MYO16: variants seen among roughly 807,000 people sequenced by gnomAD.
MYO16 encodes myosin XVI, also known as unconventional myosin-XVI.
In MYO16, 94 loss-of-function variants were observed where a neutral mutation model predicts 205.3. The ratio of observed to expected loss-of-function variants is 0.46; its 90% CI spans 0.39 to 0.54. The LOEUF is 0.54. MYO16 is among the 20% of genes least tolerant of loss of function. The pLI, the probability that MYO16 is intolerant of heterozygous loss-of-function variation, is 0.00. For synonymous variants in MYO16, 988 were observed against 954.0 expected (o/e 1.04, Z -0.66); for missense variants, 2,315 against 2,387.5 (o/e 0.97, Z 0.63).
chr13:108,532,976 G>A, the MYO16 span, among the ~76,000 whole-genome samples: 2 of 152,130 alleles, frequency 1.3e-5, no homozygotes, highest in Non-Finnish European at 2.9e-5. Flanking sequence ...TCCACTGTGA[G>A]AAGAGATACC....
intron 4 of MYO16, among the ~76,000 whole-genome samples, chr13:108,751,882 G>A (rs564340202): frequency 6.6e-6 from 1 of 152,242 alleles, no homozygotes; most frequent in African/African-American, 2.4e-5. Context: ...CTGAGAAACT[G>A]TCACAGCCTA....
intron 1 of MYO16, among the ~76,000 whole-genome samples, chr13:108,631,854 G>A (rs545245754): frequency 6.6e-6 from 1 of 152,156 alleles, no homozygotes; most frequent in East Asian, 1.9e-4. Context: ...AAAGCAGGCG[G>A]ATCACCTGAG....
At chr13:109,031,190 C>G (rs934985898) in intron 23 of MYO16, among the ~76,000 whole-genome samples, 10 of 152,088 alleles carry the variant, frequency 6.6e-5, no homozygotes, top group African/African-American at 2.4e-4. Flanking sequence ...CTCCCAGATT[C>G]AAGCGATTCT....
chr13:108,622,855 G>A (rs1160758146), intron 1 of MYO16, among the ~76,000 whole-genome samples: 2 of 152,030 alleles, frequency 1.3e-5, no homozygotes, highest in Non-Finnish European at 1.5e-5. Flanking sequence ...TATTCAAAAA[G>A]CAATGGACGG....
chr13:108,763,393 A>T (rs571846249), intron 4 of MYO16, among the ~76,000 whole-genome samples: 1 of 152,326 alleles, frequency 6.6e-6, no homozygotes, highest in Non-Finnish European at 1.5e-5. Flanking sequence ...ATGGACCCTG[A>T]GAGCAGTGTA....
At chr13:108,528,960 A>G in the MYO16 span, among the ~76,000 whole-genome samples, 13 of 152,018 alleles carry the variant, frequency 8.6e-5, no homozygotes, top group African/African-American at 2.9e-4. Flanking sequence ...CTCGATGGCA[A>G]CATTTCAGGT....
At chr13:108,823,038 A>T in intron 8 of MYO16, 87 bp from the exon 9 acceptor site, 1 of 1,250,138 alleles carries the variant, frequency 8.0e-7, no homozygotes, top group Non-Finnish European at 1.1e-6. Flanking sequence ...TTAGCATTTT[A>T]AGCATATCGG....
chr13:109,134,177 C>T (rs1319858798), intron 31 of MYO16, among the ~76,000 whole-genome samples: 1 of 152,130 alleles, frequency 6.6e-6, no homozygotes, highest in African/African-American at 2.4e-5. Flanking sequence ...CATCATGACC[C>T]TATGTAGAGA....
chr13:108,500,748 C>T, the MYO16 span, among the ~76,000 whole-genome samples: 2 of 152,198 alleles, frequency 1.3e-5, no homozygotes, highest in African/African-American at 4.8e-5. Context: ...CTTCGTGCTC[C>T]AGTCTTACAG....
the MYO16 span, among the ~76,000 whole-genome samples, chr13:108,574,145 G>A: frequency 2.6e-5 from 4 of 152,136 alleles, no homozygotes; most frequent in South Asian, 2.1e-4. Flanking sequence ...GAGCCACTGC[G>A]CCCAGCCTAA....
At chr13:108,531,530 C>G in the MYO16 span, among the ~76,000 whole-genome samples, 1 of 152,054 alleles carries the variant, frequency 6.6e-6, no homozygotes, top group African/African-American at 2.4e-5. Flanking sequence ...GAGGATGACC[C>G]TGTTTCTGAT....
intron 15 of MYO16, among the ~76,000 whole-genome samples, chr13:108,901,149 C>A (rs1265708555): frequency 6.6e-6 from 1 of 152,136 alleles, no homozygotes; most frequent in East Asian, 1.9e-4. Context: ...GTGCCCAAAA[C>A]TTCATTAGCA....
chr13:108,594,402 G>A (rs563141280), upstream of MYO16, among the ~76,000 whole-genome samples: 7 of 151,190 alleles, frequency 4.6e-5, no homozygotes, highest in African/African-American at 7.3e-5. Flanking sequence ...GTCGCAGGTC[G>A]TGGTGGAGAG....
chr13:108,672,241 A>G (rs905962089), intron 2 of MYO16, among the ~76,000 whole-genome samples: 1 of 152,226 alleles, frequency 6.6e-6, no homozygotes, highest in Non-Finnish European at 1.5e-5. Context: ...TTTTCACTTC[A>G]TAGTGGTGAT....
At chr13:109,197,676 A>C (rs192575934) in intron 34 of MYO16, among the ~76,000 whole-genome samples, 236 of 152,104 alleles carry the variant, frequency 1.6e-3, no homozygotes, top group African/African-American at 5.5e-3. Context: ...AAAGAAAAAC[A>C]TCCCCTTGAC....
At chr13:108,913,287 T>C (rs533098973) in intron 16 of MYO16, among the ~76,000 whole-genome samples, 1 of 152,188 alleles carries the variant, frequency 6.6e-6, no homozygotes, top group Non-Finnish European at 1.5e-5. Flanking sequence ...ATTTGTACAA[T>C]GACAATTTCA....
At chr13:108,578,370 T>C in the MYO16 span, among the ~76,000 whole-genome samples, 2 of 152,214 alleles carry the variant, frequency 1.3e-5, no homozygotes, top group Admixed American at 1.3e-4. Flanking sequence ...TTGCAATCCA[T>C]TTCACAGTTC....
intron 16 of MYO16, among the ~76,000 whole-genome samples, chr13:108,937,731 T>C (rs1364539606): frequency 6.6e-6 from 1 of 152,254 alleles, no homozygotes; most frequent in Non-Finnish European, 1.5e-5. Context: ...TGATTGATTT[T>C]AGAATCTCTG....
chr13:109,143,958 C>T (rs1877213067), intron 32 of MYO16, among the ~76,000 whole-genome samples: 1 of 151,768 alleles, frequency 6.6e-6, no homozygotes, highest in South Asian at 2.1e-4. Flanking sequence ...CATCCCTGTA[C>T]ATAATCTAAC....
Sources: gnomAD v4.1 joint callset for allele counts (sites outside exome capture counted in the v4.1 genomes callset) on GRCh38, gnomAD v4.1.1 for gene constraint, MANE v1.5 for transcripts, NCBI Gene and HGNC (gene_info 2026-07-23, HGNC 2026-07-21) for gene names.